Variants in TMPRSS15 observed in about 807,000 individuals in gnomAD.
The protein encoded by TMPRSS15 is enteropeptidase.
Under a neutral mutation model 125.3 loss-of-function variants are expected in TMPRSS15, and 128 were observed. The ratio of observed to expected loss-of-function variants is 1.02; its 90% CI spans 0.89 to 1.18. The LOEUF (loss-of-function observed/expected upper bound fraction) is 1.18, where lower values mean the gene tolerates loss of function less well. TMPRSS15 is among the 50% of genes most tolerant of loss of function. The probability of loss-of-function intolerance (pLI) is 0.00; values close to 1 mark genes in which losing one functional copy is unlikely to be tolerated. For synonymous variants in TMPRSS15, 446 were observed against 423.2 expected (o/e 1.05, Z -0.66); for missense variants, 1,283 against 1,212.7 (o/e 1.06, Z -0.86).
intron 8 of TMPRSS15, among the ~76,000 whole-genome samples, chr21:18,359,294 C>CT (rs1405871601): frequency 6.6e-6 from 1 of 151,992 alleles, no homozygotes; most frequent in Non-Finnish European, 1.5e-5. Flanking sequence ...AGCCTACCTC[C>CT]TTGGCTAGAC....
chr21:18,443,552 T>C (rs2076247759), intron 1 of TMPRSS15, among the ~76,000 whole-genome samples: 1 of 152,222 alleles, frequency 6.6e-6, no homozygotes, highest in Non-Finnish European at 1.5e-5. Flanking sequence ...GGGACAACTC[T>C]TGATTCCAAG....
chr21:18,438,772 C>T (rs1015782216), intron 1 of TMPRSS15, among the ~76,000 whole-genome samples: 4 of 152,116 alleles, frequency 2.6e-5, no homozygotes, highest in Non-Finnish European at 5.9e-5. Flanking sequence ...AGTGTATATG[C>T]TTGTATGTAC....
chr21:18,393,731 T>G (rs2076009439), intron 3 of TMPRSS15, among the ~76,000 whole-genome samples: 1 of 152,160 alleles, frequency 6.6e-6, no homozygotes, highest in South Asian at 2.1e-4. Flanking sequence ...AATCATCACA[T>G]AAATTACTCA....
At chr21:18,454,796 A>G (rs761513219) in intron 1 of TMPRSS15, among the ~76,000 whole-genome samples, 11 of 152,146 alleles carry the variant, frequency 7.2e-5, no homozygotes, top group African/African-American at 1.9e-4. Context: ...TCTTTACTCA[A>G]TCTACTGATT....
chr21:18,278,825 G>C (rs533105827), intron 23 of TMPRSS15, 139 bp downstream of exon 23: 1 of 594,090 alleles, frequency 1.7e-6, no homozygotes, highest in African/African-American at 1.9e-5. Context: ...CATGCTTGAC[G>C]GTACTTTTAG....
Position 18,424,456 on chromosome 21 carries a change from T to G in TMPRSS15, c.11-26127A>C, listed in dbSNP as rs180869817. ...CTATTTACATGTAGTAATTTCTCAG[T>G]GCCAGTTAAAGTCAGAAAAAGTGAT... On this transcript the variant is annotated intron_variant, in intron 1 of 7. Transcript: ENST00000422787. Among the ~76,000 whole-genome samples the G allele has an allele frequency of 4.6e-5, 7 of 152,320 alleles. No homozygotes were observed. The East Asian group carries it at 1.2e-3, about 25-fold the overall frequency.
At chr21:18,321,440 C>T (rs1406185321) in intron 16 of TMPRSS15, among the ~76,000 whole-genome samples, 2 of 149,494 alleles carry the variant, frequency 1.3e-5, no homozygotes, top group African/African-American at 5.0e-5. Context: ...GCAAGCTCCA[C>T]CTCCCGGGTT....
At chr21:18,307,814 A>G (rs1201138272) in intron 18 of TMPRSS15, among the ~76,000 whole-genome samples, 4 of 152,214 alleles carry the variant, frequency 2.6e-5, no homozygotes, top group African/African-American at 9.6e-5. Flanking sequence ...AACTTCTGTC[A>G]AAGTAAAGTG....
chr21:18,271,619 C>CTT (rs1403159010), intron 24 of TMPRSS15, among the ~76,000 whole-genome samples: 2 of 151,480 alleles, frequency 1.3e-5, no homozygotes, highest in South Asian at 2.1e-4. Flanking sequence ...TTACATTTTA[C>CTT]TTTAAGGTCT....
At chr21:18,401,715 GC>G (rs1465571221) in intron 1 of TMPRSS15, among the ~76,000 whole-genome samples, 1 of 152,028 alleles carries the variant, frequency 6.6e-6, no homozygotes, top group Non-Finnish European at 1.5e-5. Flanking sequence ...CTGCACATGT[GC>G]CCCCTGAATC....
At chr21:18,321,392 G>T (rs1345908456) in intron 16 of TMPRSS15, among the ~76,000 whole-genome samples, 2 of 116,094 alleles carry the variant, frequency 1.7e-5, no homozygotes, top group Non-Finnish European at 3.2e-5. Flanking sequence ...TCACTCTGTC[G>T]CCCAGGCTGG....
At chr21:18,320,523 C>G (rs2075222866) in intron 16 of TMPRSS15, among the ~76,000 whole-genome samples, 2 of 152,050 alleles carry the variant, frequency 1.3e-5, no homozygotes, top group Admixed American at 1.3e-4. Context: ...AGACAAATAT[C>G]TGAATTAAAA....
chr21:18,451,794 A>C (rs1978343504), intron 1 of TMPRSS15, among the ~76,000 whole-genome samples: 1 of 152,140 alleles, frequency 6.6e-6, no homozygotes, highest in South Asian at 2.1e-4. Flanking sequence ...AGATGAAAAC[A>C]GAAGATACTA....
intron 1 of TMPRSS15, among the ~76,000 whole-genome samples, chr21:18,467,833 G>T (rs1414084491): frequency 6.6e-6 from 1 of 152,084 alleles, no homozygotes. Context: ...ACGAATCTAA[G>T]AAGTTAGTGG....
intron 8 of TMPRSS15, 133 bp downstream of exon 8, chr21:18,359,624 C>A (rs1159923643): frequency 1.2e-5 from 6 of 521,180 alleles, no homozygotes; most frequent in Middle Eastern, 5.4e-4. Flanking sequence ...TAATGAGAAG[C>A]AATTGTTTTT....
intron 4 of TMPRSS15, among the ~76,000 whole-genome samples, chr21:18,379,547 C>T (rs2075873464): frequency 6.6e-6 from 1 of 151,828 alleles, no homozygotes; most frequent in Non-Finnish European, 1.5e-5. Context: ...TTTTTAACTC[C>T]TCTTTTATTT....
intron 5 of TMPRSS15, among the ~76,000 whole-genome samples, chr21:18,376,443 C>T (rs372415817): frequency 2.6e-5 from 4 of 152,096 alleles, no homozygotes; most frequent in Admixed American, 2.0e-4. Flanking sequence ...GTAATTAAAT[C>T]GAGGAAAATA....
chr21:18,387,650 C>T (rs939538881), intron 3 of TMPRSS15, among the ~76,000 whole-genome samples: 11 of 147,752 alleles, frequency 7.4e-5, no homozygotes, highest in South Asian at 2.2e-4. Context: ...CACACACACA[C>T]GCACACACAC....
intron 3 of TMPRSS15, among the ~76,000 whole-genome samples, chr21:18,388,739 G>A (rs948005893): frequency 3.9e-5 from 6 of 152,148 alleles, no homozygotes; most frequent in Non-Finnish European, 8.8e-5. Flanking sequence ...TCACCACAAC[G>A]TAGACAAATA....
Sources: gnomAD v4.1 joint callset for allele counts (sites outside exome capture counted in the v4.1 genomes callset) on GRCh38, gnomAD v4.1.1 for gene constraint, MANE v1.5 for transcripts, NCBI Gene and HGNC (gene_info 2026-07-23, HGNC 2026-07-21) for gene names.